The following PKIG variants were observed in gnomAD, a reference collection of about 807,000 sequenced individuals.
PKIG encodes cAMP-dependent protein kinase inhibitor gamma, also known as protein kinase (cAMP-dependent, catalytic) inhibitor gamma.
A neutral mutation model predicts 6.8 loss-of-function variants in PKIG; 1 was observed. That is an observed-to-expected ratio of 0.15 (90% CI 0.05 to 0.69). PKIG has a LOEUF of 0.69. PKIG is among the 30% of genes least tolerant of loss of function. PKIG has a pLI of 0.82. For missense variants in PKIG, 77 were observed against 104.0 expected (o/e 0.74, Z 1.13); for synonymous variants, 39 against 43.0 (o/e 0.91, Z 0.36).
At chr20:44,556,953 C>T (rs1217103161) in intron 1 of PKIG, among the ~76,000 whole-genome samples, 2 of 152,100 alleles carry the variant, frequency 1.3e-5, no homozygotes, top group African/African-American at 4.8e-5. Context: ...ATTATTCAAG[C>T]CTTCCAGGAT....
chr20:44,570,083 A>G (rs1233074282), intron 1 of PKIG, among the ~76,000 whole-genome samples: 3 of 152,170 alleles, frequency 2.0e-5, no homozygotes, highest in Admixed American at 1.3e-4. Context: ...GCGAGCTATG[A>G]TGATATCACT....
intron 1 of PKIG, among the ~76,000 whole-genome samples, chr20:44,575,517 C>T (rs960244082): frequency 6.6e-6 from 1 of 152,160 alleles, no homozygotes; most frequent in African/African-American, 2.4e-5. Context: ...TAATAAAAGA[C>T]TTCTTTAAGG....
In PKIG at chr20:44,604,249, G is replaced by A. The variant is rs528766518; in HGVS notation, c.-23-10285G>A. On this transcript the variant is annotated intron_variant, in intron 2 of 3. Transcript: ENST00000372886. Reference sequence around the variant, plus strand: ...TTAAAGAGAGGAAGAAGTCAGGCATGAGTTACGGGTAATAGGTTTTTGACT... The same window carrying A: ...TTAAAGAGAGGAAGAAGTCAGGCATAAGTTACGGGTAATAGGTTTTTGACT... Among the ~76,000 whole-genome samples, 10 of 152,364 alleles carry A rather than the reference G, an allele frequency of 6.6e-5. No individual in the cohort carries two copies. In the South Asian group the frequency reaches 2.1e-3, roughly 32 times the overall value.
At chr20:44,558,924 C>T (rs904816202) in intron 1 of PKIG, among the ~76,000 whole-genome samples, 5 of 151,870 alleles carry the variant, frequency 3.3e-5, no homozygotes, top group African/African-American at 1.2e-4. Context: ...GCTAATAAAG[C>T]TCCTTCTGCT....
chr20:44,532,968 C>T (rs2064480422), intron 1 of PKIG, among the ~76,000 whole-genome samples: 1 of 152,040 alleles, frequency 6.6e-6, no homozygotes, highest in African/African-American at 2.4e-5. Context: ...AGGTGCTCCT[C>T]CTGAAAGACT....
At chr20:44,551,147 G>A (rs1400137888) in intron 1 of PKIG, among the ~76,000 whole-genome samples, 1 of 151,752 alleles carries the variant, frequency 6.6e-6, no homozygotes, top group Non-Finnish European at 1.5e-5. Context: ...TTCGCCTCCC[G>A]GGTTCACACC....
intron 1 of PKIG, among the ~76,000 whole-genome samples, chr20:44,567,869 A>C (rs995696853): frequency 6.6e-6 from 1 of 152,164 alleles, no homozygotes; most frequent in Non-Finnish European, 1.5e-5. Flanking sequence ...TTATTTCACT[A>C]TTATAAATAA....
At chr20:44,563,384 T>TC (rs1238320713) in intron 1 of PKIG, among the ~76,000 whole-genome samples, 1 of 152,128 alleles carries the variant, frequency 6.6e-6, no homozygotes, top group African/African-American at 2.4e-5. Context: ...ATTTTTTTTT[T>TC]TTCCAGAGAT....
chr20:44,577,771 A>G (rs531094109), upstream of PKIG, among the ~76,000 whole-genome samples: 7 of 152,168 alleles, frequency 4.6e-5, no homozygotes, highest in Non-Finnish European at 8.8e-5. Context: ...TGGACTAGAA[A>G]GTGGGTAGTG....
chr20:44,608,960 C>G (rs1339234910), intron 2 of PKIG, among the ~76,000 whole-genome samples: 1 of 152,078 alleles, frequency 6.6e-6, no homozygotes, highest in Non-Finnish European at 1.5e-5. Context: ...AGTCACTGCC[C>G]AAGGAGGTCT....
At chr20:44,560,747 T>A (rs138146710) in intron 1 of PKIG, among the ~76,000 whole-genome samples, 32 of 152,318 alleles carry the variant, frequency 2.1e-4, no homozygotes, top group African/African-American at 7.2e-4. Context: ...CCAAGATCTT[T>A]CATCATTATG....
At chr20:44,545,044 C>T (rs2064600703) in intron 1 of PKIG, among the ~76,000 whole-genome samples, 1 of 147,920 alleles carries the variant, frequency 6.8e-6, no homozygotes, top group Admixed American at 6.9e-5. Flanking sequence ...CAAGCAATTC[C>T]CCTGCCTCAG....
intron 1 of PKIG, among the ~76,000 whole-genome samples, chr20:44,583,503 TGAG>T (rs11470555): frequency 0.23 from 34,246 of 151,988 alleles, 4,940 homozygotes; most frequent in African/African-American, 0.41. Context: ...GTCCCTGAAC[TGAG>T]GAGGATTCCT....
At chr20:44,541,816 G>A (rs1193052089) in intron 1 of PKIG, among the ~76,000 whole-genome samples, 1 of 151,562 alleles carries the variant, frequency 6.6e-6, no homozygotes, top group African/African-American at 2.4e-5. Flanking sequence ...AGCCTCCCGA[G>A]TAGCTGGGAC....
intron 1 of PKIG, among the ~76,000 whole-genome samples, chr20:44,577,243 G>C (rs1199139544): frequency 6.6e-6 from 1 of 151,998 alleles, no homozygotes; most frequent in Non-Finnish European, 1.5e-5. Flanking sequence ...CCGAGTAGCT[G>C]GGAGCCTCCT....
intron 1 of PKIG, among the ~76,000 whole-genome samples, chr20:44,576,680 T>C (rs2064901053): frequency 6.6e-6 from 1 of 152,190 alleles, no homozygotes. Context: ...GGAGACCACA[T>C]GCTCCTTTCA....
chr20:44,607,527 C>T (rs1423488148), intron 2 of PKIG, among the ~76,000 whole-genome samples: 1 of 150,322 alleles, frequency 6.7e-6, no homozygotes, highest in East Asian at 1.9e-4. Context: ...CAGGCGTGCA[C>T]CACCACACCC....
intron 2 of PKIG, among the ~76,000 whole-genome samples, chr20:44,612,893 C>G (rs887025302): frequency 1.3e-5 from 2 of 152,140 alleles, no homozygotes; most frequent in African/African-American, 4.8e-5. Context: ...CAGGGAAGTA[C>G]CTCTGTGTTC....
chr20:44,605,569 T>C (rs553478792), intron 2 of PKIG, among the ~76,000 whole-genome samples: 2 of 152,174 alleles, frequency 1.3e-5, no homozygotes, highest in Admixed American at 6.6e-5. Context: ...TCATACCTTA[T>C]TACAGATAAA....
Sources: gnomAD v4.1 joint callset for allele counts (sites outside exome capture counted in the v4.1 genomes callset) on GRCh38, gnomAD v4.1.1 for gene constraint, MANE v1.5 for transcripts, NCBI Gene and HGNC (gene_info 2026-07-23, HGNC 2026-07-21) for gene names.